The following PPEF1 variants were observed in gnomAD, a reference collection of about 807,000 sequenced individuals.
The protein encoded by PPEF1 is serine/threonine-protein phosphatase with EF-hands 1.
PPEF1 carries 12 observed loss-of-function variants against 53.3 expected under a neutral mutation model. The ratio of observed to expected loss-of-function variants is 0.23; its 90% confidence interval spans 0.14 to 0.36. PPEF1 has a LOEUF of 0.36. PPEF1 is among the 10% of genes least tolerant of loss of function. PPEF1 has a pLI of 1.00. For synonymous variants in PPEF1, 165 were observed against 176.7 expected, an observed-to-expected ratio of 0.93 and a Z score of 0.52; for missense variants, 334 against 490.4, an observed-to-expected ratio of 0.68 and a Z score of 3.01.
At chrX:18,741,772 C>CTT (rs58971135) in intron 3 of PPEF1, among the ~76,000 whole-genome samples, 88 of 66,329 alleles carry the variant, frequency 1.3e-3, no homozygotes, top group African/African-American at 3.5e-3. Flanking sequence ...GCTGCTGCTT[C>CTT]TTTTTTTTTT....
At chrX:18,749,204 G>A (rs1376700104) in intron 3 of PPEF1, among the ~76,000 whole-genome samples, 1 of 111,636 alleles carries the variant, frequency 9.0e-6, no homozygotes. Flanking sequence ...GGGTATTTCT[G>A]CCTGTGATTT....
At position 18,750,163 on chromosome X, in the gene PPEF1, T is replaced by C. The variant is rs1040015800; in HGVS notation, c.396+211T>C. 5.4e-5 allele frequency among the ~76,000 whole-genome samples: 6 copies of C among 111,980 alleles called. No individual in the cohort carries two copies. In the East Asian group the frequency reaches 1.7e-3, roughly 31 times the overall value. On this transcript the variant is annotated intron_variant, in intron 4 of 15. Transcript: ENST00000470157. The stretch of plus-strand genomic sequence containing the variant: ...TAGGCTAACAGCATTTCATTTGCCA[T>C]TTTCTGAGATATCATTCACATACCA...
chrX:18,706,674 AGGTTGAGGCTGCAGTGAGCTGT>A (rs377306091), upstream of PPEF1, among the ~76,000 whole-genome samples: 2 of 110,081 alleles, frequency 1.8e-5, no homozygotes, highest in African/African-American at 6.6e-5. Context: ...TGAGCCTGGG[AGGTTGAGGCTGCAGTGAGCTGT>A]GATCACACCA....
intron 6 of PPEF1, among the ~76,000 whole-genome samples, chrX:18,777,644 C>T (rs962609429): frequency 7.3e-5 from 8 of 110,262 alleles, no homozygotes; most frequent in Non-Finnish European, 1.3e-4. Context: ...CTCAGCCTCC[C>T]GAGTAGCTGG....
rs182854828 is a variant in PPEF1 at position 18,745,161 on chromosome X, A to G, written c.236-4631A>G. Among the ~76,000 whole-genome samples the G allele has an allele frequency of 8.4e-3, 802 of 95,730 alleles. 9 individuals carry two copies. Among genetic ancestry groups the G allele is most frequent in the African/African-American group, 0.029 (759 of 26,206 alleles). 83.1% of individuals were successfully genotyped at this position (95,730 alleles called of 115,157 possible). A position where few individuals can be genotyped will look rare whatever the true frequency, so the allele number is the denominator to read the frequency against. ...TATTATATATATTATATATTATAAT[A>G]TAATTATATATTATATTATATTCCA... On this transcript the variant is annotated intron_variant, in intron 3 of 15. Coordinates refer to ENST00000470157, the MANE Select transcript of PPEF1 (RefSeq NM_001377996.1).
At position 18,806,482 on chromosome X, in the gene PPEF1, C is replaced by A. The variant is rs1569269832; in HGVS notation, c.1331C>A (p.Thr444Lys). 8.3e-7 allele frequency: 1 copy of A among 1,208,531 alleles called. No individual in the cohort carries two copies. Among genetic ancestry groups the A allele is most frequent in the Non-Finnish European group, 1.1e-6 (1 of 893,126 alleles). The stretch of plus-strand genomic sequence containing the variant: ...GCTTACATCAAACTATGTTCTGGTA[C>A]AACTCCTCGATTTTTCCAGTACCAA... The part of the protein sequence containing the change: ...RGAYIKLCSG[T>K]TPRFFQYQVT... Residue 444 changes from threonine to lysine, a missense_variant, in exon 12 of 16, where the codon ACA becomes AAA. Physicochemically the swap from Thr to Lys is moderately conservative, Grantham distance 78. Transcript: ENST00000470157.
chrX:18,814,783 C>T (rs1237696099), intron 12 of PPEF1, among the ~76,000 whole-genome samples: 2 of 111,930 alleles, frequency 1.8e-5, no homozygotes, highest in Non-Finnish European at 3.8e-5. Flanking sequence ...TCCTCCCAAT[C>T]TTTAGGTTGC....
chrX:18,810,281 T>A (rs2046779605), intron 12 of PPEF1, among the ~76,000 whole-genome samples: 1 of 110,220 alleles, frequency 9.1e-6, no homozygotes, highest in South Asian at 3.9e-4. Context: ...AATTTTTGGA[T>A]CTGTACCTTT....
chrX:18,687,822 G>A (rs1004119623), intron 3 of PPEF1, among the ~76,000 whole-genome samples: 3 of 109,202 alleles, frequency 2.7e-5, no homozygotes, highest in South Asian at 4.0e-4. Flanking sequence ...CGGAGTAGCC[G>A]GGACTATAGG....
chrX:18,809,521 A>G (rs1045148005), intron 12 of PPEF1, among the ~76,000 whole-genome samples: 8 of 110,382 alleles, frequency 7.2e-5, no homozygotes, highest in African/African-American at 1.3e-4. Flanking sequence ...GCTGGGCAAC[A>G]TGGTGAAACC....
intron 6 of PPEF1, among the ~76,000 whole-genome samples, chrX:18,776,348 C>T (rs1005139338): frequency 9.9e-5 from 11 of 111,237 alleles, no homozygotes; most frequent in African/African-American, 3.6e-4. Flanking sequence ...AATCCTCCCA[C>T]CTCAGCCTCC....
intron 1 of PPEF1, among the ~76,000 whole-genome samples, chrX:18,714,550 C>T (rs1057128471): frequency 7.2e-5 from 8 of 111,820 alleles, no homozygotes; most frequent in Non-Finnish European, 1.5e-4. Context: ...GGATTATAGG[C>T]GTGAGCCACC....
chrX:18,746,394 T>G (rs2045330091), intron 3 of PPEF1, among the ~76,000 whole-genome samples: 1 of 112,417 alleles, frequency 8.9e-6, no homozygotes, highest in Admixed American at 9.5e-5. Flanking sequence ...GACTAATACT[T>G]CATATTGAGT....
At chrX:18,788,268 G>A (rs1219197206) in intron 9 of PPEF1, among the ~76,000 whole-genome samples, 2 of 86,341 alleles carry the variant, frequency 2.3e-5, no homozygotes, top group Non-Finnish European at 4.2e-5. Flanking sequence ...TCGCGCCACT[G>A]CACTCCAGCC....
intron 6 of PPEF1, among the ~76,000 whole-genome samples, chrX:18,767,120 C>A (rs755310558): frequency 8.9e-6 from 1 of 112,206 alleles, no homozygotes; most frequent in African/African-American, 3.2e-5. Context: ...AACTGAAATA[C>A]TAATACTCAG....
chrX:18,723,284 C>A (rs2044630126), intron 1 of PPEF1, among the ~76,000 whole-genome samples: 1 of 111,651 alleles, frequency 9.0e-6, no homozygotes, highest in Admixed American at 9.5e-5. Context: ...CATGTGCAGT[C>A]ATAATTTGTG....
chrX:18,683,164 A>G (rs770636891), intron 1 of PPEF1, among the ~76,000 whole-genome samples: 6 of 111,339 alleles, frequency 5.4e-5, no homozygotes, highest in Non-Finnish European at 1.1e-4. Context: ...GGGAGCTACA[A>G]TTCAAGATGA....
intron 8 of PPEF1, among the ~76,000 whole-genome samples, chrX:18,783,633 G>A (rs755449148): frequency 1.6e-3 from 171 of 110,018 alleles, no homozygotes; most frequent in Non-Finnish European, 2.7e-3. Flanking sequence ...CAGGAGAATC[G>A]CTTGAACCTG....
chrX:18,680,170 T>G (rs749360051), upstream of PPEF1, among the ~76,000 whole-genome samples: 3 of 109,959 alleles, frequency 2.7e-5, no homozygotes, highest in South Asian at 1.2e-3. Flanking sequence ...TTGCTGCCCT[T>G]CAGTTACACT....
Sources: gnomAD v4.1 joint callset for allele counts (sites outside exome capture counted in the v4.1 genomes callset) on GRCh38, gnomAD v4.1.1 for gene constraint, MANE v1.5 for transcripts, NCBI Gene and HGNC (gene_info 2026-07-23, HGNC 2026-07-21) for gene names.